Variants in SNTG1 observed in about 807,000 individuals in gnomAD.
The protein encoded by SNTG1 is gamma-1-syntrophin.
In SNTG1, 39 loss-of-function variants were observed where a neutral mutation model predicts 74.7. That is an observed-to-expected ratio of 0.52 (90% CI 0.40 to 0.68). The LOEUF is 0.68. SNTG1 is among the 30% of genes least tolerant of loss of function. SNTG1 has a pLI of 0.00. For synonymous variants in SNTG1, 254 were observed against 217.1 expected, an observed-to-expected ratio of 1.17 and a Z score of -1.49; for missense variants, 685 against 609.5, an observed-to-expected ratio of 1.12 and a Z score of -1.30.
At chr8:50,244,080 G>A (rs1023338278) in intron 2 of SNTG1, among the ~76,000 whole-genome samples, 11 of 152,088 alleles carry the variant, frequency 7.2e-5, no homozygotes, top group Non-Finnish European at 1.3e-4. Context: ...TTCTGGGGAG[G>A]ACTCAGGGAG....
chr8:50,619,670 G>C (rs28412668), intron 13 of SNTG1, among the ~76,000 whole-genome samples: 15,531 of 150,574 alleles, frequency 0.1, 1,982 homozygotes, highest in African/African-American at 0.28. Flanking sequence ...GGCGGAGGTT[G>C]CAGTGAGCCG....
At chr8:50,609,914 T>G (rs2094838365) in intron 13 of SNTG1, among the ~76,000 whole-genome samples, 1 of 152,146 alleles carries the variant, frequency 6.6e-6, no homozygotes, top group Admixed American at 6.6e-5. Flanking sequence ...TGAACATATT[T>G]AGAAAACTTC....
intron 18 of SNTG1, among the ~76,000 whole-genome samples, chr8:50,773,047 T>A (rs931017338): frequency 3.3e-5 from 5 of 152,110 alleles, no homozygotes; most frequent in Non-Finnish European, 7.4e-5. Context: ...AAACCTCTTT[T>A]TTCTGTAAGT....
chr8:50,135,233 A>T (rs1330872695), intron 1 of SNTG1, among the ~76,000 whole-genome samples: 3 of 152,198 alleles, frequency 2.0e-5, no homozygotes, highest in Non-Finnish European at 4.4e-5. Flanking sequence ...TTTCTGAATG[A>T]AGTTCGGCTT....
chr8:50,532,883 C>CA (rs1170472713), intron 10 of SNTG1, among the ~76,000 whole-genome samples: 1 of 152,166 alleles, frequency 6.6e-6, no homozygotes, highest in African/African-American at 2.4e-5. Context: ...CCTAGGCTCA[C>CA]AAACTGCCTT....
intron 2 of SNTG1, among the ~76,000 whole-genome samples, chr8:50,190,795 G>A (rs1378117870): frequency 1.3e-5 from 2 of 152,122 alleles, no homozygotes; most frequent in East Asian, 1.9e-4. Context: ...TCATTTGGGG[G>A]TGGATAGTGG....
At chr8:50,149,349 C>T (rs2081983707) in intron 1 of SNTG1, among the ~76,000 whole-genome samples, 1 of 152,140 alleles carries the variant, frequency 6.6e-6, no homozygotes, top group Non-Finnish European at 1.5e-5. Context: ...GTTGCCTGTT[C>T]ACCCTGATGG....
intron 2 of SNTG1, among the ~76,000 whole-genome samples, chr8:50,346,031 T>C (rs2130966418): frequency 6.6e-6 from 1 of 152,336 alleles, no homozygotes; most frequent in South Asian, 2.1e-4. Context: ...CTTAATTTAT[T>C]AACATATTAT....
At chr8:50,592,388 T>C (rs1196295435) in intron 13 of SNTG1, among the ~76,000 whole-genome samples, 3 of 152,152 alleles carry the variant, frequency 2.0e-5, no homozygotes, top group African/African-American at 7.2e-5. Context: ...ACATGGGAGA[T>C]ATTAATATTG....
chr8:50,363,716 T>C (rs2092029114), intron 2 of SNTG1, among the ~76,000 whole-genome samples: 1 of 152,146 alleles, frequency 6.6e-6, no homozygotes, highest in Non-Finnish European at 1.5e-5. Flanking sequence ...CTATTATATG[T>C]TTAAGAAGAT....
At chr8:50,561,472 C>T (rs958005930) in intron 12 of SNTG1, among the ~76,000 whole-genome samples, 2 of 152,070 alleles carry the variant, frequency 1.3e-5, no homozygotes, top group African/African-American at 4.8e-5. Flanking sequence ...AGGTTTGTAG[C>T]TTTGTTAATA....
intron 1 of SNTG1, among the ~76,000 whole-genome samples, chr8:50,048,607 C>T (rs557529217): frequency 6.6e-6 from 1 of 152,184 alleles, no homozygotes; most frequent in African/African-American, 2.4e-5. Context: ...TCCTAATGAA[C>T]AAAACAAATA....
intron 2 of SNTG1, among the ~76,000 whole-genome samples, chr8:50,236,543 T>C (rs13278589): frequency 0.57 from 85,141 of 150,568 alleles, 27,735 homozygotes; most frequent in East Asian, 0.84. Flanking sequence ...CTCCACCTCC[T>C]GGGTTCACAC....
chr8:50,511,769 T>G (rs1438077611), intron 9 of SNTG1, among the ~76,000 whole-genome samples: 1 of 152,204 alleles, frequency 6.6e-6, no homozygotes, highest in Non-Finnish European at 1.5e-5. Context: ...ATTTGCTTGG[T>G]AGATCTTCCT....
At chr8:50,088,505 C>T (rs976411111) in intron 1 of SNTG1, among the ~76,000 whole-genome samples, 1 of 131,270 alleles carries the variant, frequency 7.6e-6, no homozygotes, top group Non-Finnish European at 1.7e-5. Context: ...TCTAGAAAAC[C>T]CCATTGTCTC....
At chr8:50,785,102 A>T (rs887783629) in intron 18 of SNTG1, among the ~76,000 whole-genome samples, 1 of 152,012 alleles carries the variant, frequency 6.6e-6, no homozygotes, top group Non-Finnish European at 1.5e-5. Flanking sequence ...TAATAAAAAA[A>T]TCTTAAATAC....
chr8:50,487,457 G>C (rs1184959550), intron 8 of SNTG1, among the ~76,000 whole-genome samples: 4 of 152,144 alleles, frequency 2.6e-5, no homozygotes, highest in African/African-American at 7.2e-5. Context: ...AACAATGATA[G>C]ACTGGATTAA....
At chr8:50,754,632 T>A (rs1205662756) in intron 18 of SNTG1, among the ~76,000 whole-genome samples, 1 of 151,936 alleles carries the variant, frequency 6.6e-6, no homozygotes, top group Admixed American at 6.6e-5. Flanking sequence ...TAATTTTTAC[T>A]GATTTTTATA....
chr8:50,426,053 T>C (rs2093159704), intron 4 of SNTG1, among the ~76,000 whole-genome samples: 1 of 152,182 alleles, frequency 6.6e-6, no homozygotes, highest in Non-Finnish European at 1.5e-5. Flanking sequence ...TATAGAGATA[T>C]ACCACACACC....
Sources: gnomAD v4.1 joint callset for allele counts (sites outside exome capture counted in the v4.1 genomes callset) on GRCh38, gnomAD v4.1.1 for gene constraint, MANE v1.5 for transcripts, NCBI Gene and HGNC (gene_info 2026-07-23, HGNC 2026-07-21) for gene names.